Variants in NRP1 observed in about 807,000 individuals in gnomAD.
NRP1 encodes neuropilin 1.
NRP1 carries 35 observed loss-of-function variants against 106.7 expected under a neutral mutation model. That is an observed-to-expected ratio of 0.33 (90% CI 0.25 to 0.43). NRP1 has a LOEUF of 0.43. NRP1 is among the 20% of genes least tolerant of loss of function. The pLI is 1.00. For missense variants in NRP1, 1,024 were observed against 1,170.4 expected, an observed-to-expected ratio of 0.87 and a Z score of 1.83; for synonymous variants, 437 against 417.9, an observed-to-expected ratio of 1.05 and a Z score of -0.56.
chr10:33,319,159 C>G lies in NRP1; in HGVS notation c.248+11549G>C, dbSNP rs1049071867. Among the ~76,000 whole-genome samples the G allele has an allele frequency of 2.0e-5, 3 of 151,898 alleles. No individual in the cohort carries two copies. In the South Asian group the frequency reaches 6.2e-4, roughly 32 times the overall value. On this transcript the variant is annotated intron_variant, in intron 2 of 16. Coordinates refer to ENST00000374867, the MANE Select transcript of NRP1 (RefSeq NM_003873.7). ...AGCTGGGACTACAGGCGCCCGCCACCATGCCAGGCTAATTTTTTTGTATTT... is the reference window on the plus strand; with the variant it reads ...AGCTGGGACTACAGGCGCCCGCCACGATGCCAGGCTAATTTTTTTGTATTT...
rs1842041832 is a variant in NRP1, at chr10:33,254,105, A to G, written c.904T>C (p.Ser302Pro). The G allele has an allele frequency of 1.2e-6, 2 of 1,614,084 alleles. No homozygotes were observed. The highest frequency in any genetic ancestry group is 4.5e-5 in the East Asian group (2 of 44,872). Residue 302 changes from serine (S) to proline (P), a missense_variant, in exon 6 of 17, where the codon TCT (serine) becomes CCT (proline). Transcript: ENST00000374867. The part of the protein sequence containing the change: ...TASSQYSTNW[S>P]AERSRLNYPE... ...TAGTTCAGGCGGGAGCGCTCTGCAG[A>G]CCAGTTGGTGCTATACTGGGAAGAA...
At position 33,179,809 on chromosome 10, in the gene NRP1, T is replaced by G; in HGVS notation, c.*267A>C. 4 of 440,888 alleles carry G rather than the reference T, an allele frequency of 9.1e-6. No individual in the cohort carries two copies. The highest frequency in any genetic ancestry group is 1.2e-5 in the Non-Finnish European group (3 of 245,036). 27.3% of individuals were successfully genotyped at this position (440,888 alleles called of 1,614,324 possible). A position where few individuals can be genotyped will look rare whatever the true frequency, so the allele number is the denominator to read the frequency against. ...GGGCAGGAGGGGTCGAAATGAATGA[T>G]TATGTCAATCATACTTGGTCTCAAC... On this transcript the variant is annotated 3_prime_UTR_variant, in exon 17 of 17. Coordinates refer to ENST00000374867, the MANE Select transcript of NRP1 (RefSeq NM_003873.7).
intron 2 of NRP1, among the ~76,000 whole-genome samples, chr10:33,301,061 T>C (rs74129650): frequency 0.04 from 6,048 of 152,214 alleles, 430 homozygotes; most frequent in African/African-American, 0.14. Flanking sequence ...CTCTCCTCCA[T>C]GGGAGCCGAA....
chr10:33,315,936 A>AT (rs1747185920), intron 2 of NRP1, among the ~76,000 whole-genome samples: 1 of 152,192 alleles, frequency 6.6e-6, no homozygotes, highest in Non-Finnish European at 1.5e-5. Flanking sequence ...GAAAGTGACC[A>AT]TTTTTGGCTA....
chr10:33,235,201 A>G (rs1840462532), intron 6 of NRP1, among the ~76,000 whole-genome samples: 1 of 152,222 alleles, frequency 6.6e-6, no homozygotes, highest in African/African-American at 2.4e-5. Context: ...TTGAATAGTA[A>G]AATCTGCTGT....
At chr10:33,248,787 G>T (rs750182940) in intron 6 of NRP1, among the ~76,000 whole-genome samples, 12 of 152,152 alleles carry the variant, frequency 7.9e-5, no homozygotes, top group Non-Finnish European at 1.6e-4. Flanking sequence ...TCTTCCTTTA[G>T]GTTTCCTTCT....
At chr10:33,297,973 C>T (rs960185692) in intron 2 of NRP1, among the ~76,000 whole-genome samples, 3 of 152,098 alleles carry the variant, frequency 2.0e-5, no homozygotes, top group African/African-American at 7.2e-5. Flanking sequence ...CCACATTTTC[C>T]TGTTGATACT....
At chr10:33,184,719 G>T (rs1339521411) in intron 15 of NRP1, among the ~76,000 whole-genome samples, 1 of 151,906 alleles carries the variant, frequency 6.6e-6, no homozygotes, top group Non-Finnish European at 1.5e-5. Context: ...CTTTCTTTTT[G>T]CCCAATTTCT....
intron 6 of NRP1, among the ~76,000 whole-genome samples, chr10:33,251,768 T>G (rs1011142556): frequency 6.6e-5 from 10 of 152,194 alleles, no homozygotes; most frequent in Admixed American, 6.5e-4. Context: ...AGTTGCAGTT[T>G]CAGAGCTCCT....
chr10:33,188,355 C>A (rs1836157666), intron 13 of NRP1, among the ~76,000 whole-genome samples: 1 of 152,268 alleles, frequency 6.6e-6, no homozygotes, highest in South Asian at 2.1e-4. Flanking sequence ...GACATCCTCA[C>A]TCAACTGCAC....
Position 33,330,987 on chromosome 10 carries a change from G to A in NRP1, c.74-105C>T, listed in dbSNP as rs543135130. 63 of 1,027,488 alleles carry A rather than the reference G, an allele frequency of 6.1e-5. No homozygotes were observed. In the African/African-American group the frequency reaches 9.8e-4, roughly 16 times the overall value. 63.6% of individuals were successfully genotyped at this position (1,027,488 alleles called of 1,614,324 possible). A position where few individuals can be genotyped will look rare whatever the true frequency, so the allele number is the denominator to read the frequency against. On this transcript the variant is annotated intron_variant, in intron 1 of 16. Transcript: ENST00000374867. ...ATTAAACATTCCTTAACTTTTTAAGGGGAACTCTAAAAGGTCCCCGTAAGT... is the reference window on the plus strand; with the variant it reads ...ATTAAACATTCCTTAACTTTTTAAGAGGAACTCTAAAAGGTCCCCGTAAGT...
chr10:33,260,320 C>G (rs1409808018), intron 4 of NRP1, among the ~76,000 whole-genome samples: 2 of 151,896 alleles, frequency 1.3e-5, no homozygotes, highest in African/African-American at 4.8e-5. Context: ...TAGCTTTTCC[C>G]CAGAAAAAAT....
intron 2 of NRP1, among the ~76,000 whole-genome samples, chr10:33,310,808 A>C (rs767318238): frequency 3.9e-5 from 6 of 152,246 alleles, no homozygotes; most frequent in Non-Finnish European, 7.3e-5. Context: ...TAATGTATTT[A>C]GTTTTTAACA....
In NRP1 at chr10:33,320,063, AGCACTTTGGGAGGCCGAGATG is replaced by A. The variant is rs550287598; in HGVS notation, c.248+10624_248+10644del. Among the ~76,000 whole-genome samples, 557 of 151,602 alleles carry A rather than the reference AGCACTTTGGGAGGCCGAGATG, an allele frequency of 3.7e-3. 1 individual carries two copies. Among genetic ancestry groups the A allele is most frequent in the African/African-American group, 0.013 (529 of 41,424 alleles). ...CGTGGTGGCTCACGCCTGTAATCCC[AGCACTTTGGGAGGCCGAGATG>A]GGCGGATCACCTGAGGTCAGGAGTT... is the stretch of plus-strand genomic sequence containing the variant. On this transcript the variant is annotated intron_variant, in intron 2 of 16. Coordinates refer to ENST00000374867, the MANE Select transcript of NRP1 (RefSeq NM_003873.7).
intron 4 of NRP1, among the ~76,000 whole-genome samples, chr10:33,262,373 C>T (rs1842631574): frequency 6.6e-6 from 1 of 152,102 alleles, no homozygotes; most frequent in Non-Finnish European, 1.5e-5. Flanking sequence ...CCTCCACCTC[C>T]TTCAAATCTT....
intron 2 of NRP1, among the ~76,000 whole-genome samples, chr10:33,324,205 A>C: frequency 6.6e-6 from 1 of 152,212 alleles, no homozygotes; most frequent in Non-Finnish European, 1.5e-5. Context: ...GGGGAAAAAA[A>C]TCAAAAGGAA....
At chr10:33,192,960 A>G (rs1836516565) in intron 12 of NRP1, among the ~76,000 whole-genome samples, 2 of 152,126 alleles carry the variant, frequency 1.3e-5, no homozygotes, top group Admixed American at 1.3e-4. Flanking sequence ...TCTCTTAAGC[A>G]TTTTAGGATT....
intron 6 of NRP1, among the ~76,000 whole-genome samples, chr10:33,248,491 T>G (rs143822531): frequency 3.3e-5 from 5 of 152,352 alleles, no homozygotes; most frequent in Non-Finnish European, 7.3e-5. Context: ...CATGACTGTG[T>G]GTGTTTCAAT....
chr10:33,250,602 A>G (rs1193896897), intron 6 of NRP1, among the ~76,000 whole-genome samples: 1 of 152,210 alleles, frequency 6.6e-6, no homozygotes, highest in African/African-American at 2.4e-5. Context: ...AAAATCCTGC[A>G]TACTGTAATA....
Sources: allele counts gnomAD v4.1 joint callset (sites outside exome capture counted in the v4.1 genomes callset), GRCh38; gene constraint gnomAD v4.1.1; transcripts MANE v1.5; gene names NCBI Gene and HGNC (gene_info 2026-07-23, HGNC 2026-07-21).